Variants in PCDHGA5 observed in about 807,000 individuals in gnomAD.
PCDHGA5 encodes protocadherin gamma-A5.
A neutral mutation model predicts 56.7 loss-of-function variants in PCDHGA5; 36 were observed. The observed-to-expected ratio is 0.64, with a 90% CI of 0.49 to 0.84. The LOEUF is 0.84. Among genes scored for constraint, PCDHGA5 ranks in the 40% least tolerant of loss-of-function variants. The pLI is 0.00. For missense variants in PCDHGA5, 1,305 were observed against 1,201.5 expected (o/e 1.09, Z -1.27); for synonymous variants, 563 against 520.2 (o/e 1.08, Z -1.12).
At position 141,419,393 on chromosome 5, in the gene PCDHGA5, G is replaced by C; in HGVS notation, c.2421+52642G>C. On this transcript the variant is annotated intron_variant, in intron 1 of 3. Transcript: ENST00000518069. ...CTACGTGTCCGTGAGCGCGCAGAGC[G>C]GGGTGGTGTTCGCGCAGCGCGCCTT... 1.2e-6 allele frequency: 2 copies of C among 1,613,620 alleles called. No homozygotes were observed. The highest frequency in any genetic ancestry group is 1.7e-6 in the Non-Finnish European group (2 of 1,179,912).
At chr5:141,381,826 C>CTTTTTTTTTTTTTTTTTTTTTTTTCTTT (rs770630741) in intron 1 of PCDHGA5, among the ~76,000 whole-genome samples, 1 of 74,284 alleles carries the variant, frequency 1.3e-5, no homozygotes, top group Non-Finnish European at 2.4e-5. Context: ...CTTTCTTCTT[C>CTTTTTTTTTTTTTTTTTTTTTTTTCTTT]TTTTTTTTTT....
rs1259562533 is a variant in PCDHGA5 at position 141,482,788 on chromosome 5, G to T, written c.2422-12019G>T. 2.6e-5 allele frequency among the ~76,000 whole-genome samples: 4 copies of T among 152,184 alleles called. 1 individual carries two copies. Among genetic ancestry groups the T allele is most frequent in the Admixed American group, 2.6e-4 (4 of 15,278 alleles). ...TATCACTGAACCTTAAACTGTGTGTGTGGCCGGGTACGGTGGCTCATGCCT... is the reference window on the plus strand; with the variant it reads ...TATCACTGAACCTTAAACTGTGTGTTTGGCCGGGTACGGTGGCTCATGCCT... On this transcript the variant is annotated intron_variant, in intron 1 of 3. Transcript: ENST00000518069.
chr5:141,421,888 C>T (rs1387624358), intron 1 of PCDHGA5: 5 of 1,613,746 alleles, frequency 3.1e-6, no homozygotes. Flanking sequence ...TGGAGGCGAT[C>T]CCATCCGAAA....
chr5:141,438,806 C>T (rs866521707), intron 1 of PCDHGA5, among the ~76,000 whole-genome samples: 20 of 149,390 alleles, frequency 1.3e-4, no homozygotes, highest in Admixed American at 6.7e-4. Flanking sequence ...GGATTACAGG[C>T]GCCTGTCACC....
rs1272694679 is a variant in PCDHGA5, at chr5:141,486,884, C to T, written c.2422-7923C>T. 7 of 1,614,106 alleles carry T rather than the reference C, an allele frequency of 4.3e-6. No individual in the cohort carries two copies. The highest frequency in any genetic ancestry group is 1.1e-5 in the South Asian group (1 of 91,082). ...TCCAGCTGTGCTCCGTCCTCGGGCC[C>T]GGCCTGGTTCCTTATGTCCCCAAGC... On this transcript the variant is annotated intron_variant, in intron 1 of 3. Coordinates refer to ENST00000518069, the MANE Select transcript of PCDHGA5 (RefSeq NM_018918.3). The surrounding 1 kb of genome is among the most constrained non-coding windows in gnomAD (Gnocchi z 5.0).
intron 1 of PCDHGA5, chr5:141,410,121 A>G (rs1239244343): frequency 1.9e-6 from 3 of 1,612,642 alleles, no homozygotes; most frequent in Non-Finnish European, 2.5e-6. Flanking sequence ...GCAGCCCGCC[A>G]GCGCCTGCTG....
intron 3 of PCDHGA5, among the ~76,000 whole-genome samples, chr5:141,509,722 C>A (rs919655821): frequency 5.9e-5 from 9 of 152,140 alleles, no homozygotes; most frequent in African/African-American, 2.2e-4. Flanking sequence ...CTGATGTCAC[C>A]TAGCTGTGGC....
Position 141,374,101 on chromosome 5 carries a change from G to C in PCDHGA5, c.2421+7350G>C, listed in dbSNP as rs752730619. ...AGCCAGTAATGGCGCCTCCGCAGAG[G>C]CATCCGCAGCGCAGCGAGCAGGTCC... On this transcript the variant is annotated intron_variant, in intron 1 of 3. Coordinates refer to ENST00000518069, the MANE Select transcript of PCDHGA5 (RefSeq NM_018918.3). 1 of 1,565,508 alleles carries C rather than the reference G, an allele frequency of 6.4e-7. No homozygotes were observed. Among genetic ancestry groups the C allele is most frequent in the Admixed American group, 1.9e-5 (1 of 53,132 alleles).
chr5:141,423,156 C>G, intron 1 of PCDHGA5: 1 of 1,613,388 alleles, frequency 6.2e-7, no homozygotes, highest in Non-Finnish European at 8.5e-7. Flanking sequence ...AGCAGAGCCT[C>G]GTGGTGGCCG....
intron 1 of PCDHGA5, chr5:141,428,289 G>A: frequency 1.4e-6 from 1 of 728,400 alleles, no homozygotes; most frequent in Non-Finnish European, 2.4e-6. Context: ...CCCAAGCAAA[G>A]CTGCAGATTT....
chr5:141,492,579 G>T (rs547852117), intron 1 of PCDHGA5, among the ~76,000 whole-genome samples: 2 of 152,356 alleles, frequency 1.3e-5, no homozygotes, highest in East Asian at 1.9e-4. Context: ...GAGGCGCGGG[G>T]CCAGGAGCGC....
In PCDHGA5 at chr5:141,489,223, C is replaced by T. The variant is rs771455540; in HGVS notation, c.2422-5584C>T. The T allele has an allele frequency of 6.6e-7, 1 of 1,515,444 alleles. No homozygotes were observed. The highest frequency in any genetic ancestry group is 1.3e-5 in the South Asian group (1 of 75,776). 93.9% of individuals were successfully genotyped at this position (1,515,444 alleles called of 1,614,324 possible). A position where few individuals can be genotyped will look rare whatever the true frequency, so the allele number is the denominator to read the frequency against. The stretch of plus-strand genomic sequence containing the variant: ...CAGGACAGCACAGACTTACTCTCCA[C>T]AAAGGGACTTCTGGGTCATGGGGCC... On this transcript the variant is annotated intron_variant, in intron 1 of 3. Coordinates refer to ENST00000518069, the MANE Select transcript of PCDHGA5 (RefSeq NM_018918.3). The surrounding 1 kb of genome is among the most constrained non-coding windows in gnomAD (Gnocchi z 4.5).
At chr5:141,460,993 A>T (rs1230217075) in intron 1 of PCDHGA5, among the ~76,000 whole-genome samples, 1 of 143,898 alleles carries the variant, frequency 6.9e-6, no homozygotes, top group South Asian at 2.2e-4. Flanking sequence ...GTATATATAT[A>T]TATGTGTATA....
In PCDHGA5 at chr5:141,503,604, A is replaced by G. The variant is rs189211439; in HGVS notation, c.2481-1789A>G. 5.2e-3 allele frequency among the ~76,000 whole-genome samples: 793 copies of G among 151,946 alleles called. 3 individuals carry two copies. The highest frequency in any genetic ancestry group is 8.3e-3 in the Non-Finnish European group (566 of 67,924). On this transcript the variant is annotated intron_variant, in intron 2 of 3. Coordinates refer to ENST00000518069, the MANE Select transcript of PCDHGA5 (RefSeq NM_018918.3). ...ACAGAGCGAGACTCCAGCTCAAAAA[A>G]AAAAAAAAAAGAAAAAAGAAAAGAA...
chr5:141,423,514 G>T (rs1208270970), intron 1 of PCDHGA5: 2 of 1,613,812 alleles, frequency 1.2e-6, no homozygotes, highest in Non-Finnish European at 1.7e-6. Flanking sequence ...TCTCATTGCG[G>T]ACTCGCAGAA....
chr5:141,430,471 T>TA (rs759564776), intron 1 of PCDHGA5: 176 of 234,152 alleles, frequency 7.5e-4, no homozygotes, highest in Non-Finnish European at 1.1e-3. Context: ...TGGAGCTATT[T>TA]AAGATATAAA....
In PCDHGA5 at chr5:141,486,853, C is replaced by T. The variant is rs1401626024; in HGVS notation, c.2422-7954C>T. The stretch of plus-strand genomic sequence containing the variant: ...GTCTATTTGTGCTGGACCTCAATGA[C>T]AATGCTCCAGCTGTGCTCCGTCCTC... On this transcript the variant is annotated intron_variant, in intron 1 of 3. Coordinates refer to ENST00000518069, the MANE Select transcript of PCDHGA5 (RefSeq NM_018918.3). This position sits in a 1 kb window ranked among gnomAD's most constrained non-coding sequence, Gnocchi z 5.0. 6.2e-7 allele frequency: 1 copy of T among 1,614,244 alleles called. No individual in the cohort carries two copies. The highest frequency in any genetic ancestry group is 2.2e-5 in the East Asian group (1 of 44,886).
chr5:141,495,449 GCT>G (rs560850951), intron 2 of PCDHGA5, among the ~76,000 whole-genome samples: 3 of 152,194 alleles, frequency 2.0e-5, no homozygotes, highest in Non-Finnish European at 2.9e-5. Flanking sequence ...TACTTGTCCT[GCT>G]CTCTGTCTGT....
intron 1 of PCDHGA5, chr5:141,399,057 A>C (rs747872462): frequency 6.2e-7 from 1 of 1,613,840 alleles, no homozygotes; most frequent in Admixed American, 1.7e-5. Context: ...AGACCAAGGA[A>C]TATTCAATGG....
Sources: allele counts gnomAD v4.1 joint callset (sites outside exome capture counted in the v4.1 genomes callset), GRCh38; gene constraint gnomAD v4.1.1; non-coding constraint Gnocchi (gnomAD v3.1); transcripts MANE v1.5; gene names NCBI Gene and HGNC (gene_info 2026-07-23, HGNC 2026-07-21).